PRPF8: variants seen among roughly 807,000 people sequenced by gnomAD.
PRPF8 encodes the protein pre-mRNA processing factor 8, also known as pre-mRNA-processing-splicing factor 8.
PRPF8 carries 64 observed loss-of-function variants against 285.9 expected under a neutral mutation model. The observed-to-expected ratio is 0.22, with a 90% CI of 0.18 to 0.28. PRPF8 has a LOEUF of 0.28. Ranked by LOEUF, PRPF8 falls within the 10% of genes least tolerant of loss-of-function variation. The probability of loss-of-function intolerance (pLI) is 1.00; values close to 1 mark genes in which losing one functional copy is unlikely to be tolerated. For missense variants in PRPF8, 1,426 were observed against 3,026.7 expected (o/e 0.47, Z 12.41); for synonymous variants, 1,325 against 1,118.2 (o/e 1.18, Z -3.69).
In PRPF8 at chr17:1,676,440, T is replaced by C. The variant is rs1912604517; in HGVS notation, c.2388+65A>G. 5.0e-6 allele frequency: 8 copies of C among 1,613,808 alleles called. No homozygotes were observed. Among genetic ancestry groups the C allele is most frequent in the Non-Finnish European group, 6.8e-6 (8 of 1,179,970 alleles). On this transcript the variant is annotated intron_variant, in intron 16 of 42. Transcript: ENST00000304992. The surrounding 1 kb of genome is among the most constrained non-coding windows in gnomAD (Gnocchi z 6.3). ...TGCCAGAACAAGGTTCAGTCACAAC[T>C]CTACAGTCCTCCCTCTTGCCCACTC... is the stretch of plus-strand genomic sequence containing the variant.
In PRPF8 at chr17:1,676,722, A is replaced by G. The variant is rs1187768006; in HGVS notation, c.2182-11T>C. 3 of 1,613,426 alleles carry G rather than the reference A, an allele frequency of 1.9e-6. No homozygotes were observed. The highest frequency in any genetic ancestry group is 8.5e-7 in the Non-Finnish European group (1 of 1,179,882). ...CGGCAGCCCAGGGACCTAAAAGTCC[A>G]AAAAGCACAATCAAGCCAGGATCCA... is the stretch of plus-strand genomic sequence containing the variant. On this transcript the variant is annotated splice_polypyrimidine_tract_variant and intron_variant, in intron 15 of 42. Coordinates refer to ENST00000304992, the MANE Select transcript of PRPF8 (RefSeq NM_006445.4). This position sits in a 1 kb window ranked among gnomAD's most constrained non-coding sequence, Gnocchi z 6.3.
rs1597243332 is a variant in PRPF8 at position 1,673,693 on chromosome 17, C to G, written c.3446+53G>C. ...GGACGCAGCCTCAGGTATGCCCTCTCTGGGCCCTTAGCTTATGTCCTTCCA... is the reference window on the plus strand; with the variant it reads ...GGACGCAGCCTCAGGTATGCCCTCTGTGGGCCCTTAGCTTATGTCCTTCCA... On this transcript the variant is annotated intron_variant, in intron 22 of 42. Transcript: ENST00000304992. This position sits in a 1 kb window ranked among gnomAD's most constrained non-coding sequence, Gnocchi z 5.5. 12 of 1,613,074 alleles carry G rather than the reference C, an allele frequency of 7.4e-6. No homozygotes were observed. The highest frequency in any genetic ancestry group is 6.8e-6 in the Non-Finnish European group (8 of 1,179,744).
At position 1,679,000 on chromosome 17, in the gene PRPF8, G is replaced by C. The variant is rs1168770727; in HGVS notation, c.1599+17C>G. ...GTCCTTGAAGCCCAGGAGGCCCCTA[G>C]GGTCCAATGCAGGCACCTTGGTGGT... On this transcript the variant is annotated intron_variant, in intron 11 of 42. Transcript: ENST00000304992. The C allele has an allele frequency of 3.7e-6, 6 of 1,613,818 alleles. No individual in the cohort carries two copies. Among genetic ancestry groups the C allele is most frequent in the Non-Finnish European group, 4.2e-6 (5 of 1,180,038 alleles).
chr17:1,681,208 G>A (rs1371956837), intron 6 of PRPF8, among the ~76,000 whole-genome samples, 154 bp from the exon 7 acceptor site: 1 of 151,698 alleles, frequency 6.6e-6, no homozygotes, highest in Non-Finnish European at 1.5e-5. Flanking sequence ...AGCTTCCCAA[G>A]TAACTGAGAC....
intron 30 of PRPF8, 144 bp downstream of exon 30, chr17:1,660,287 TC>T (rs1295891864): frequency 1.0e-5 from 15 of 1,458,468 alleles, no homozygotes; most frequent in Non-Finnish European, 1.4e-5. Context: ...TACAGTACCC[TC>T]TCCCCACGAT....
At position 1,676,874 on chromosome 17, in the gene PRPF8, G is replaced by A. The variant is rs1238006406; in HGVS notation, c.2181+102C>T. ...TCTTTTCCCTGTCTAAAAGGGAAAA[G>A]AAAAGAGATTGGAGCCAGATAGCCC... is the stretch of plus-strand genomic sequence containing the variant. On this transcript the variant is annotated intron_variant, in intron 15 of 42. Transcript: ENST00000304992. This position sits in a 1 kb window ranked among gnomAD's most constrained non-coding sequence, Gnocchi z 6.3. 6 of 1,519,468 alleles carry A rather than the reference G, an allele frequency of 3.9e-6. No homozygotes were observed. Among genetic ancestry groups the A allele is most frequent in the Admixed American group, 3.4e-5 (2 of 59,128 alleles). The allele number at this position is 1,519,468 out of a possible 1,614,324, so 94.1% of individuals were successfully genotyped here.
At chr17:1,680,255 T>A (rs1912833632) in intron 8 of PRPF8, among the ~76,000 whole-genome samples, 1 of 152,206 alleles carries the variant, frequency 6.6e-6, no homozygotes, top group Non-Finnish European at 1.5e-5. Flanking sequence ...AGAAAGTAGA[T>A]TAGTGGTTGC....
chr17:1,682,356 G>A (rs551842701), intron 3 of PRPF8, 63 bp from the exon 4 acceptor site: 16 of 1,566,888 alleles, frequency 1.0e-5, no homozygotes, highest in South Asian at 2.2e-5. Flanking sequence ...CCTGTCCCAT[G>A]CAGAGAAGCC....
intron 21 of PRPF8, 132 bp from the exon 22 acceptor site, chr17:1,674,024 TTTTTA>T (rs1912473148): frequency 2.0e-6 from 2 of 1,000,466 alleles, no homozygotes; most frequent in African/African-American, 1.6e-5. Flanking sequence ...TTCCATTTTA[TTTTTA>T]TTTATTTATT....
rs772614302 is a variant in PRPF8 at position 1,661,177 on chromosome 17, A to G, written c.4339-15T>C. On this transcript the variant is annotated splice_polypyrimidine_tract_variant and intron_variant, in intron 27 of 42. Transcript: ENST00000304992. The surrounding 1 kb of genome is among the most constrained non-coding windows in gnomAD (Gnocchi z 7.3). ...TGCTTCAAAACCTAGATGGCAAGGC[A>G]GGCACGGTCAAGCTTCTGGGTGCCT... 9.3e-6 allele frequency: 15 copies of G among 1,614,158 alleles called. No individual in the cohort carries two copies. In the South Asian group the frequency reaches 1.6e-4, roughly 18 times the overall value.
chr17:1,665,937 G>A (rs1351428861), intron 24 of PRPF8, among the ~76,000 whole-genome samples: 6 of 151,190 alleles, frequency 4.0e-5, no homozygotes, highest in Non-Finnish European at 8.8e-5. Context: ...GAGGCAAGCT[G>A]ATCAGGTGGT....
intron 20 of PRPF8, 152 bp from the exon 21 acceptor site, chr17:1,674,832 C>T (rs1016423933): frequency 5.9e-6 from 5 of 843,820 alleles, no homozygotes; most frequent in East Asian, 2.4e-5. Flanking sequence ...AGTGCACTGG[C>T]GCAATCTCAG....
intron 24 of PRPF8, among the ~76,000 whole-genome samples, chr17:1,668,486 C>A (rs1324093954): frequency 6.6e-6 from 1 of 151,536 alleles, no homozygotes; most frequent in Non-Finnish European, 1.5e-5. Context: ...ATCAGCCCCC[C>A]TGAGTAGCTG....
intron 24 of PRPF8, among the ~76,000 whole-genome samples, chr17:1,666,491 C>CAGTG (rs1435621500): frequency 6.7e-6 from 1 of 150,078 alleles, no homozygotes; most frequent in African/African-American, 2.5e-5. Flanking sequence ...GCAGAGGTTA[C>CAGTG]AGTGAGCTGA....
chr17:1,655,608 C>T (rs1014673090), intron 36 of PRPF8, 65 bp from the exon 37 acceptor site: 2 of 1,422,618 alleles, frequency 1.4e-6, no homozygotes, highest in Non-Finnish European at 2.0e-6. Flanking sequence ...TTAATCCTAA[C>T]CTTTCATGAA....
intron 13 of PRPF8, 167 bp downstream of exon 13, chr17:1,678,351 C>T (rs1171013849): frequency 1.5e-5 from 12 of 823,836 alleles, no homozygotes; most frequent in East Asian, 5.2e-5. Context: ...GGCGTGGTGG[C>T]GGGCACCTGT....
chr17:1,653,344 A>C lies in PRPF8; in HGVS notation c.6369+198T>G. On this transcript the variant is annotated intron_variant, in intron 39 of 42. Coordinates refer to ENST00000304992, the MANE Select transcript of PRPF8 (RefSeq NM_006445.4). This position sits in a 1 kb window ranked among gnomAD's most constrained non-coding sequence, Gnocchi z 4.9. ...ATACTATCAGGCCAATACTACAATT[A>C]CTACCTTCTCTCAGCTGCCACAGCT... is the stretch of plus-strand genomic sequence containing the variant. 1 of 695,796 alleles carries C rather than the reference A, an allele frequency of 1.4e-6. No individual in the cohort carries two copies. Among genetic ancestry groups the C allele is most frequent in the Non-Finnish European group, 2.5e-6 (1 of 397,054 alleles). The allele number at this position is 695,796 out of a possible 1,614,324, so 43.1% of individuals were successfully genotyped here. A position where few individuals can be genotyped will look rare whatever the true frequency, so the allele number is the denominator to read the frequency against.
rs1911532598 is a variant in PRPF8, at chr17:1,658,882, A to G, written c.5139-119T>C. On this transcript the variant is annotated intron_variant, in intron 32 of 42. Coordinates refer to ENST00000304992, the MANE Select transcript of PRPF8 (RefSeq NM_006445.4). This position sits in a 1 kb window ranked among gnomAD's most constrained non-coding sequence, Gnocchi z 4.1. ...TCGCCAGGCTGACAACACTCTGCTCATGTGTACATACAGGCTGGAGAAGAG... is the reference window on the plus strand; with the variant it reads ...TCGCCAGGCTGACAACACTCTGCTCGTGTGTACATACAGGCTGGAGAAGAG... The G allele has an allele frequency of 2.3e-6, 2 of 864,616 alleles. No individual in the cohort carries two copies. The highest frequency in any genetic ancestry group is 3.9e-6 in the Non-Finnish European group (2 of 516,320). 53.6% of individuals were successfully genotyped at this position (864,616 alleles called of 1,614,324 possible).
At position 1,680,699 on chromosome 17, in the gene PRPF8, A is replaced by C. The variant is rs780957139; in HGVS notation, c.1098+27T>G. 40 of 1,578,938 alleles carry C rather than the reference A, an allele frequency of 2.5e-5. No homozygotes were observed. In the South Asian group the frequency reaches 3.8e-4, roughly 15 times the overall value. ...TCACGCATTTCTCCTAGAAGAGCTG[A>C]GGGAAAGCATCCCTTCCCTTCCTCA... On this transcript the variant is annotated intron_variant, in intron 8 of 42. Transcript: ENST00000304992.
Sources: allele counts gnomAD v4.1 joint callset (sites outside exome capture counted in the v4.1 genomes callset), GRCh38; gene constraint gnomAD v4.1.1; non-coding constraint Gnocchi (gnomAD v3.1); transcripts MANE v1.5; gene names NCBI Gene and HGNC (gene_info 2026-07-23, HGNC 2026-07-21).